The following SPTBN1 variants were observed in gnomAD, a reference collection of about 807,000 sequenced individuals.
The protein encoded by SPTBN1 is spectrin beta chain, non-erythrocytic 1.
In SPTBN1, 32 loss-of-function variants were observed where a neutral mutation model predicts 266.4. The observed-to-expected ratio is 0.12, with a 90% CI of 0.09 to 0.16. SPTBN1 has a LOEUF of 0.16. Ranked by LOEUF, SPTBN1 falls within the 10% of genes least tolerant of loss-of-function variation. SPTBN1 has a pLI of 1.00. For synonymous variants in SPTBN1, 1,336 were observed against 1,162.2 expected, an observed-to-expected ratio of 1.15 and a Z score of -3.04; for missense variants, 2,296 against 3,067.1, an observed-to-expected ratio of 0.75 and a Z score of 5.94.
chr2:54,465,936 A>AT (rs1275210245), intron 1 of SPTBN1, among the ~76,000 whole-genome samples: 1 of 152,076 alleles, frequency 6.6e-6, no homozygotes, highest in African/African-American at 2.4e-5. Flanking sequence ...TTAATTTTGT[A>AT]TTTTTTCTGC....
At chr2:54,605,043 A>G (rs1324952134) in intron 3 of SPTBN1, among the ~76,000 whole-genome samples, 1 of 152,162 alleles carries the variant, frequency 6.6e-6, no homozygotes, top group Non-Finnish European at 1.5e-5. Context: ...TCCGATGGCC[A>G]ATAATGGAGG....
chr2:54,668,629 G>A lies in SPTBN1; in HGVS notation c.*60G>A. The A allele has an allele frequency of 4.8e-6, 7 of 1,462,702 alleles. No individual in the cohort carries two copies. In the Admixed American group the frequency reaches 8.0e-5, roughly 17 times the overall value. 90.6% of individuals were successfully genotyped at this position (1,462,702 alleles called of 1,614,324 possible). On this transcript the variant is annotated 3_prime_UTR_variant, in exon 36 of 36. Coordinates refer to ENST00000356805, the MANE Select transcript of SPTBN1 (RefSeq NM_003128.3). ...TTTTCAGTGAAATTCCAGCATGCAA[G>A]CTCAGAACCAACACATTACTCTCTG...
intron 1 of SPTBN1, among the ~76,000 whole-genome samples, chr2:54,479,482 G>C (rs1667998500): frequency 6.6e-6 from 1 of 152,140 alleles, no homozygotes; most frequent in South Asian, 2.1e-4. Flanking sequence ...TCTTTGGTAG[G>C]TGAACACATA....
In SPTBN1 at chr2:54,526,361, C is replaced by G; in HGVS notation, c.-47-11C>G. The G allele has an allele frequency of 6.3e-7, 1 of 1,592,250 alleles. No homozygotes were observed. The highest frequency in any genetic ancestry group is 8.6e-7 in the Non-Finnish European group (1 of 1,169,122). The stretch of plus-strand genomic sequence containing the variant: ...CAGACGTCTAAATGTTTTTCCTTTT[C>G]TTTCTCATAGAACTCTAAGAAGGAG... On this transcript the variant is annotated splice_polypyrimidine_tract_variant and intron_variant, in intron 1 of 35. Coordinates refer to ENST00000356805, the MANE Select transcript of SPTBN1 (RefSeq NM_003128.3).
At chr2:54,580,246 T>A (rs1391514844) in intron 2 of SPTBN1, among the ~76,000 whole-genome samples, 1 of 152,210 alleles carries the variant, frequency 6.6e-6, no homozygotes, top group Non-Finnish European at 1.5e-5. Context: ...ACTTTACTGT[T>A]ACATAGGGAG....
intron 34 of SPTBN1, 85 bp downstream of exon 34, chr2:54,666,173 T>C (rs1016616283): frequency 4.4e-6 from 6 of 1,366,788 alleles, no homozygotes; most frequent in Admixed American, 2.2e-5. Context: ...ACAGCTGCTG[T>C]GATTAGTTGG....
At chr2:54,651,233 T>C (rs1270620884) in intron 26 of SPTBN1, among the ~76,000 whole-genome samples, 1 of 151,986 alleles carries the variant, frequency 6.6e-6, no homozygotes, top group African/African-American at 2.4e-5. Flanking sequence ...GACAGTGGAG[T>C]TGCTCTCTCA....
chr2:54,614,833 A>C (rs2103818826), intron 4 of SPTBN1, among the ~76,000 whole-genome samples: 2 of 151,710 alleles, frequency 1.3e-5, no homozygotes, highest in East Asian at 3.9e-4. Flanking sequence ...GAGAAACTGG[A>C]GTGGAAGTCT....
At chr2:54,633,787 T>C (rs1162153464) in intron 17 of SPTBN1, among the ~76,000 whole-genome samples, 1 of 152,196 alleles carries the variant, frequency 6.6e-6, no homozygotes, top group Admixed American at 6.5e-5. Context: ...CCTGGTCAGG[T>C]TGACTTAAAA....
chr2:54,627,489 GACCCT>G (rs758119304), intron 12 of SPTBN1, among the ~76,000 whole-genome samples: 1 of 152,158 alleles, frequency 6.6e-6, no homozygotes, highest in Non-Finnish European at 1.5e-5. Flanking sequence ...ACAGCCACCT[GACCCT>G]GCTCTCCTTA....
chr2:54,527,503 C>T (rs931463131), intron 2 of SPTBN1: 5 of 152,092 alleles, frequency 3.3e-5, no homozygotes, highest in African/African-American at 1.2e-4. Context: ...GAAACCTAAC[C>T]CAGAGTGGTT....
rs762539747 is a variant in SPTBN1 at position 54,646,730 on chromosome 2, C to T, written c.4866+255C>T. On this transcript the variant is annotated intron_variant, in intron 23 of 35. Coordinates refer to ENST00000356805, the MANE Select transcript of SPTBN1 (RefSeq NM_003128.3). The surrounding 1 kb of genome is among the most constrained non-coding windows in gnomAD (Gnocchi z 4.4). ...TCTTTGAAATATGCCAGAGTCCTTC[C>T]TGCTGTCTATTTATAGGTTCCCTAA... Among the ~76,000 whole-genome samples, 1 of 152,202 alleles carries T rather than the reference C, an allele frequency of 6.6e-6. No homozygotes were observed. The highest frequency in any genetic ancestry group is 1.5e-5 in the Non-Finnish European group (1 of 68,042).
chr2:54,493,144 C>G (rs983679928), intron 1 of SPTBN1, among the ~76,000 whole-genome samples: 1 of 151,186 alleles, frequency 6.6e-6, no homozygotes, highest in African/African-American at 2.4e-5. Context: ...TATCTGGGAC[C>G]ACAGGCACAC....
At chr2:54,642,360 G>A (rs1026983189) in intron 18 of SPTBN1, among the ~76,000 whole-genome samples, 12 of 152,114 alleles carry the variant, frequency 7.9e-5, no homozygotes, top group African/African-American at 2.9e-4. Context: ...TGAATGAAAG[G>A]TTCTTTAGAG....
At chr2:54,617,804 T>C in intron 6 of SPTBN1, 116 bp downstream of exon 6, 4 of 994,490 alleles carry the variant, frequency 4.0e-6, no homozygotes, top group Non-Finnish European at 6.0e-6. Flanking sequence ...GTGGTGGAAA[T>C]TTCTGCATTC....
rs373512238 is a variant in SPTBN1 at position 54,629,810 on chromosome 2, G to A, written c.2669+7G>A. The stretch of plus-strand genomic sequence containing the variant: ...TGGAGGTCATCCAGCACAGGTGAGC[G>A]GGGCGCTGGTCAGCCACTGGCCTGT... On this transcript the variant is annotated splice_region_variant and intron_variant, in intron 14 of 35. Transcript: ENST00000356805. 2.4e-5 allele frequency: 38 copies of A among 1,609,718 alleles called. No homozygotes were observed. In the African/African-American group the frequency reaches 2.5e-4, roughly 11 times the overall value.
intron 31 of SPTBN1, 29 bp from the exon 32 acceptor site, chr2:54,659,907 C>A (rs778484232): frequency 6.2e-7 from 1 of 1,608,132 alleles, no homozygotes; most frequent in South Asian, 1.1e-5. Flanking sequence ...CTTCCTTTCC[C>A]TTCCTCCTTT....
At chr2:54,583,944 T>A (rs1373577634) in intron 2 of SPTBN1, among the ~76,000 whole-genome samples, 1 of 152,230 alleles carries the variant, frequency 6.6e-6, no homozygotes, top group East Asian at 1.9e-4. Flanking sequence ...AAAATTAATA[T>A]GTGCTCCTAA....
chr2:54,644,633 G>A, intron 20 of SPTBN1, 47 bp downstream of exon 20: 1 of 1,560,014 alleles, frequency 6.4e-7, no homozygotes, highest in African/African-American at 1.4e-5. Flanking sequence ...CTGTTTTACA[G>A]CCATAGTCCT....
Sources: allele counts gnomAD v4.1 joint callset (sites outside exome capture counted in the v4.1 genomes callset), GRCh38; gene constraint gnomAD v4.1.1; non-coding constraint Gnocchi (gnomAD v3.1); transcripts MANE v1.5; gene names NCBI Gene and HGNC (gene_info 2026-07-23, HGNC 2026-07-21).